TTC24: variants seen among roughly 807,000 people sequenced by gnomAD.
TTC24 encodes tetratricopeptide repeat domain 24.
Under a neutral mutation model 63.3 loss-of-function variants are expected in TTC24, and 54 were observed. That is an observed-to-expected ratio of 0.85 (90% CI 0.69 to 1.07). TTC24 has a LOEUF of 1.07. Ranked by LOEUF, TTC24 falls within the 50% of genes least tolerant of loss-of-function variation. TTC24 has a pLI of 0.00. For missense variants in TTC24, 680 were observed against 730.5 expected (o/e 0.93, Z 0.80); for synonymous variants, 276 against 304.3 (o/e 0.91, Z 0.97).
In TTC24 at chr1:156,586,377, A is replaced by C. The variant is rs536423388; in HGVS notation, c.1668-92A>C. The C allele has an allele frequency of 8.7e-6, 10 of 1,152,344 alleles. No homozygotes were observed. In the African/African-American group the frequency reaches 1.6e-4, roughly 18 times the overall value. The allele number at this position is 1,152,344 out of a possible 1,614,324, so 71.4% of individuals were successfully genotyped here. ...AGCCCACCAGCAGAGGTAAGGGCCA[A>C]ATAGGGCAGAGGGAAGCTGAGGCCA... On this transcript the variant is annotated intron_variant, in intron 10 of 10. Coordinates refer to ENST00000368236, the MANE Select transcript of TTC24 (RefSeq NM_001105669.4).
At chr1:156,579,913 T>C (rs1691796527) in intron 1 of TTC24, among the ~76,000 whole-genome samples, 155 bp downstream of exon 1, 1 of 151,900 alleles carries the variant, frequency 6.6e-6, no homozygotes, top group South Asian at 2.1e-4. Context: ...CTGCCCCTCC[T>C]AAAAAAGGGG....
Position 156,585,979 on chromosome 1 carries a change from T to C in TTC24, c.1601T>C (p.Val534Ala). The change falls in exon 10 of 11, where the codon GTA becomes GCA. Residue 534 changes from valine to alanine, a missense_variant. By Grantham distance (64) the Val-to-Ala change is moderately conservative. Coordinates refer to ENST00000368236, the MANE Select transcript of TTC24 (RefSeq NM_001105669.4). ...GGACCCAGGGCCCATCTTCCATTTG[T>C]AGGTCCAGGCCCTCCCAGAGCGGAG... ...SPGPRAHLPF[V>A]GPGPPRAEYP... 6.3e-7 allele frequency: 1 copy of C among 1,597,336 alleles called. No homozygotes were observed. Among genetic ancestry groups the C allele is most frequent in the Non-Finnish European group, 8.5e-7 (1 of 1,171,484 alleles).
chr1:156,585,798 G>T lies in TTC24; in HGVS notation c.1542G>T (p.Gly514=). ...TTACCAAGCACACGCCCTGCAGAGG[G>T]ACAGTCCTCGGCAAAGCCTCCATCT... ...PTFTKHTPCR[G]TVLGKASIYS... The change falls in exon 9 of 11, where the codon GGG becomes GGT. Residue 514 remains glycine, a synonymous_variant. Coordinates refer to ENST00000368236, the MANE Select transcript of TTC24 (RefSeq NM_001105669.4). 1 of 1,613,582 alleles carries T rather than the reference G, an allele frequency of 6.2e-7. No individual in the cohort carries two copies. The highest frequency in any genetic ancestry group is 8.5e-7 in the Non-Finnish European group (1 of 1,179,518).
In TTC24 at chr1:156,581,439, G is replaced by T; in HGVS notation, c.75G>T (p.Lys25Asn). The T allele has an allele frequency of 5.2e-6, 8 of 1,548,948 alleles. No individual in the cohort carries two copies. The highest frequency in any genetic ancestry group is 7.0e-6 in the Non-Finnish European group (8 of 1,146,012). The change falls in exon 2 of 11, where the codon AAG becomes AAT. Residue 25 changes from lysine to asparagine, a missense_variant. By Grantham distance (94) the Lys-to-Asn change is moderately conservative (BLOSUM62 0). Transcript: ENST00000368236. ...CCTCAAGCTCCAATAAGAAAAAGAA[G>T]AAAAGAAAGTGGCTGCGGCAAGAAG... ...PEPSSSNKKK[K>N]KRKWLRQEAS...
At position 156,581,813 on chromosome 1, in the gene TTC24, A is replaced by G; in HGVS notation, c.449A>G (p.Gln150Arg). Residue 150 changes from glutamine to arginine, a missense_variant, in exon 2 of 11, where the codon CAG (glutamine) becomes CGG (arginine). Coordinates refer to ENST00000368236, the MANE Select transcript of TTC24 (RefSeq NM_001105669.4). ...AGGGCCCTGGGCCACTACCAGCCAC[A>G]GGGTGACCAGGGAGAAGCCTGGGCA... is the stretch of plus-strand genomic sequence containing the variant. The part of the protein sequence containing the change: ...YHRALGHYQP[Q>R]GDQGEAWAKM... 6.4e-7 allele frequency: 1 copy of G among 1,551,446 alleles called. No homozygotes were observed.
At position 156,585,191 on chromosome 1, in the gene TTC24, G is replaced by A. The variant is rs780776236; in HGVS notation, c.1416G>A (p.Ser472=). ...EGHQKKKEER[S]ANVPVRAGPG... is the part of the protein sequence containing the mutation. ...ACCAGAAGAAAAAAGAGGAGAGGTC[G>A]GCAAACGTTCCGGTGAGGGCTGGGC... Residue 472 remains serine (S), a synonymous_variant, in exon 8 of 11, where the codon TCG becomes TCA. Transcript: ENST00000368236. 6.8e-6 allele frequency: 11 copies of A among 1,613,264 alleles called. No individual in the cohort carries two copies. The highest frequency in any genetic ancestry group is 3.3e-5 in the Admixed American group (2 of 59,898).
Position 156,586,782 on chromosome 1 carries a change from G to T in TTC24, c.*232G>T. The T allele has an allele frequency of 2.7e-6, 1 of 374,436 alleles. No homozygotes were observed. Among genetic ancestry groups the T allele is most frequent in the Non-Finnish European group, 4.9e-6 (1 of 205,934 alleles). The allele number at this position is 374,436 out of a possible 1,614,324, so 23.2% of individuals were successfully genotyped here. ...TGGACTCAGTAGGTAAAAGAAAAAA[G>T]GAAAATGGATGGCAAATTCCCTGTC... On this transcript the variant is annotated 3_prime_UTR_variant, in exon 11 of 11. Transcript: ENST00000368236.
intron 6 of TTC24, 69 bp from the exon 7 acceptor site, chr1:156,584,808 G>A (rs1677105298): frequency 9.6e-7 from 1 of 1,046,706 alleles, no homozygotes; most frequent in Non-Finnish European, 1.4e-6. Flanking sequence ...AGTCTCTGGA[G>A]GGAGCACACA....
chr1:156,587,701 AT>A lies in TTC24; in HGVS notation c.*1152del, dbSNP rs1343456416. On this transcript the variant is annotated 3_prime_UTR_variant, in exon 11 of 11. Coordinates refer to ENST00000368236, the MANE Select transcript of TTC24 (RefSeq NM_001105669.4). ...AAAGAAAATTTATCTTTAAAAAAAA[AT>A]AAATTGATGAACTGAGAGTGGGAAA... 2.6e-5 allele frequency among the ~76,000 whole-genome samples: 4 copies of A among 152,206 alleles called. No homozygotes were observed. The highest frequency in any genetic ancestry group is 5.9e-5 in the Non-Finnish European group (4 of 68,052).
At chr1:156,580,535 T>C (rs1380466432) in intron 1 of TTC24, among the ~76,000 whole-genome samples, 1 of 152,142 alleles carries the variant, frequency 6.6e-6, no homozygotes, top group African/African-American at 2.4e-5. Context: ...TGGAGTGCAA[T>C]GGCGCGATCT....
At chr1:156,582,134 G>C (rs552455128) in intron 2 of TTC24, 64 bp downstream of exon 2, 1 of 1,463,190 alleles carries the variant, frequency 6.8e-7, no homozygotes, top group Non-Finnish European at 9.1e-7. Flanking sequence ...GATACTCAGA[G>C]GGCTGGGTTT....
In TTC24 at chr1:156,586,629, C is replaced by G; in HGVS notation, c.*79C>G. 7.6e-7 allele frequency: 1 copy of G among 1,316,154 alleles called. No homozygotes were observed. Among genetic ancestry groups the G allele is most frequent in the Non-Finnish European group, 1.1e-6 (1 of 931,028 alleles). 81.5% of individuals were successfully genotyped at this position (1,316,154 alleles called of 1,614,324 possible). On this transcript the variant is annotated 3_prime_UTR_variant, in exon 11 of 11. Transcript: ENST00000368236. The stretch of plus-strand genomic sequence containing the variant: ...ACACTAGGGGGTCCTGGGGACCAAG[C>G]CTCTTCCCAGTTGCTCAGCCCTGCA...
chr1:156,583,931 A>T lies in TTC24; in HGVS notation c.1251+36A>T. On this transcript the variant is annotated intron_variant, in intron 6 of 10. Transcript: ENST00000368236. The surrounding 1 kb of genome is among the most constrained non-coding windows in gnomAD (Gnocchi z 4.0). ...ACCTGAGACAAGGAGATGGGGGTGG[A>T]GAGAGGTTACCCAGAGAAGGGGTTG... The T allele has an allele frequency of 1.3e-6, 2 of 1,529,932 alleles. No individual in the cohort carries two copies. Among genetic ancestry groups the T allele is most frequent in the Non-Finnish European group, 8.9e-7 (1 of 1,126,204 alleles). 94.8% of individuals were successfully genotyped at this position (1,529,932 alleles called of 1,614,324 possible). A position where few individuals can be genotyped will look rare whatever the true frequency, so the allele number is the denominator to read the frequency against.
At chr1:156,584,132 T>G (rs1034475454) in intron 6 of TTC24, among the ~76,000 whole-genome samples, 1 of 152,072 alleles carries the variant, frequency 6.6e-6, no homozygotes, top group African/African-American at 2.4e-5. Context: ...AATAAAGAAA[T>G]AAATTTAAAA....
intron 8 of TTC24, 56 bp from the exon 9 acceptor site, chr1:156,585,657 C>CAG: frequency 8.0e-7 from 1 of 1,252,208 alleles, no homozygotes; most frequent in Non-Finnish European, 1.2e-6. Flanking sequence ...ACTCAGGGAG[C>CAG]AGAGTTCTTT....
At position 156,587,282 on chromosome 1, in the gene TTC24, T is replaced by C. The variant is rs1396322659; in HGVS notation, c.*732T>C. Among the ~76,000 whole-genome samples the C allele has an allele frequency of 6.6e-6, 1 of 152,170 alleles. No individual in the cohort carries two copies. The highest frequency in any genetic ancestry group is 2.4e-5 in the African/African-American group (1 of 41,422). On this transcript the variant is annotated 3_prime_UTR_variant, in exon 11 of 11. Coordinates refer to ENST00000368236, the MANE Select transcript of TTC24 (RefSeq NM_001105669.4). ...TCTCCTCTAATCCTCACAACAAATA[T>C]ATGAGGTGCTATTATCCCCTTTCGC... is the stretch of plus-strand genomic sequence containing the variant.
intron 1 of TTC24, among the ~76,000 whole-genome samples, chr1:156,580,829 AT>A (rs1368670662): frequency 4.6e-5 from 7 of 152,138 alleles, no homozygotes; most frequent in African/African-American, 1.7e-4. Context: ...ATAACATACA[AT>A]TTACCATTTT....
At position 156,583,177 on chromosome 1, in the gene TTC24, G is replaced by A. The variant is rs201965486; in HGVS notation, c.1039+7G>A. 1,714 of 1,611,562 alleles carry A rather than the reference G, an allele frequency of 1.1e-3. 14 individuals carry two copies. The highest frequency in any genetic ancestry group is 3.5e-3 in the Middle Eastern group (21 of 6,014). Reference sequence around the variant, plus strand: ...CAGGCTGCCCGGGACTCTGGTAAGCGTGAGAGGGTTGGGATGTGACTGGGA... The same window carrying A: ...CAGGCTGCCCGGGACTCTGGTAAGCATGAGAGGGTTGGGATGTGACTGGGA... On this transcript the variant is annotated splice_region_variant and intron_variant, in intron 4 of 10. Transcript: ENST00000368236. This position sits in a 1 kb window ranked among gnomAD's most constrained non-coding sequence, Gnocchi z 4.0.
At chr1:156,586,213 A>G (rs1223294902) in intron 10 of TTC24, among the ~76,000 whole-genome samples, 168 bp downstream of exon 10, 2 of 152,180 alleles carry the variant, frequency 1.3e-5, no homozygotes. Flanking sequence ...CCCTTTAGCA[A>G]TGTGAACAAC....
Sources: gnomAD v4.1 joint callset for allele counts (sites outside exome capture counted in the v4.1 genomes callset) on GRCh38, gnomAD v4.1.1 for gene constraint, Gnocchi (gnomAD v3.1) non-coding constraint, MANE v1.5 for transcripts, NCBI Gene and HGNC (gene_info 2026-07-23, HGNC 2026-07-21) for gene names.